The following PCSK2 variants were observed in gnomAD, a reference collection of about 807,000 sequenced individuals.
PCSK2 encodes the protein neuroendocrine convertase 2.
A neutral mutation model predicts 69.7 loss-of-function variants in PCSK2; 14 were observed. That is an observed-to-expected ratio of 0.20 (90% CI 0.13 to 0.31). PCSK2 has a LOEUF of 0.31. PCSK2 is among the 10% of genes least tolerant of loss of function. PCSK2 has a pLI of 1.00. For missense variants in PCSK2, 544 were observed against 842.5 expected (o/e 0.65, Z 4.39); for synonymous variants, 307 against 320.7 (o/e 0.96, Z 0.46).
chr20:17,289,533 T>G (rs2123062938), intron 2 of PCSK2, among the ~76,000 whole-genome samples: 1 of 152,240 alleles, frequency 6.6e-6, no homozygotes, highest in East Asian at 1.9e-4. Context: ...AAACTGAAAA[T>G]AGTAACTATT....
intron 2 of PCSK2, among the ~76,000 whole-genome samples, chr20:17,304,939 C>T (rs1989281271): frequency 1.3e-5 from 2 of 152,176 alleles, no homozygotes; most frequent in African/African-American, 4.8e-5. Context: ...GAATCATCTG[C>T]TACGGTTAAG....
chr20:17,453,468 G>T lies in PCSK2; in HGVS notation c.886-274G>T, dbSNP rs1198849725. Among the ~76,000 whole-genome samples, 1 of 151,768 alleles carries T rather than the reference G, an allele frequency of 6.6e-6. No individual in the cohort carries two copies. The highest frequency in any genetic ancestry group is 2.4e-5 in the African/African-American group (1 of 41,320). ...AGCTTTTTTAAAAAGCAGTTTATTTGTAAATTTTAAGACAGTTCTTCCAAT... is the reference window on the plus strand; with the variant it reads ...AGCTTTTTTAAAAAGCAGTTTATTTTTAAATTTTAAGACAGTTCTTCCAAT... On this transcript the variant is annotated intron_variant, in intron 8 of 11. Coordinates refer to ENST00000262545, the MANE Select transcript of PCSK2 (RefSeq NM_002594.5). This position sits in a 1 kb window ranked among gnomAD's most constrained non-coding sequence, Gnocchi z 4.0.
chr20:17,246,426 G>A (rs1986773396), intron 1 of PCSK2, among the ~76,000 whole-genome samples: 1 of 152,132 alleles, frequency 6.6e-6, no homozygotes, highest in South Asian at 2.1e-4. Context: ...AACACGACAA[G>A]GCAGATGATC....
At chr20:17,451,536 A>C (rs1259821616) in intron 8 of PCSK2, among the ~76,000 whole-genome samples, 2 of 152,146 alleles carry the variant, frequency 1.3e-5, no homozygotes, top group Non-Finnish European at 2.9e-5. Flanking sequence ...TCTGGGAGAG[A>C]TCAGAGAACA....
chr20:17,457,773 G>A (rs2032948141), intron 10 of PCSK2, among the ~76,000 whole-genome samples: 1 of 152,254 alleles, frequency 6.6e-6, no homozygotes, highest in African/African-American at 2.4e-5. Flanking sequence ...GCTGCCTGTA[G>A]CTGAGCTGTG....
chr20:17,475,083 G>A (rs2033269309), intron 11 of PCSK2, among the ~76,000 whole-genome samples: 1 of 151,660 alleles, frequency 6.6e-6, no homozygotes, highest in East Asian at 1.9e-4. Flanking sequence ...GGAGAGTGAG[G>A]GATTTGGGAG....
chr20:17,309,975 G>A (rs1036623692), intron 2 of PCSK2, among the ~76,000 whole-genome samples: 2 of 152,080 alleles, frequency 1.3e-5, no homozygotes, highest in Non-Finnish European at 2.9e-5. Flanking sequence ...TTTGCAGGCT[G>A]TACAGGAAGC....
At chr20:17,303,422 ATATTTT>A (rs1989163215) in intron 2 of PCSK2, among the ~76,000 whole-genome samples, 1 of 115,642 alleles carries the variant, frequency 8.6e-6, no homozygotes, top group African/African-American at 3.5e-5. Context: ...GTATGGTTAT[ATATTTT>A]TAATATATAA....
chr20:17,267,270 C>A (rs1014165236), intron 2 of PCSK2, among the ~76,000 whole-genome samples: 3 of 152,186 alleles, frequency 2.0e-5, no homozygotes, highest in African/African-American at 7.2e-5. Flanking sequence ...CCATCTGTGG[C>A]CAAATTCATT....
intron 8 of PCSK2, among the ~76,000 whole-genome samples, chr20:17,441,204 T>C (rs960536220): frequency 6.6e-6 from 1 of 152,182 alleles, no homozygotes; most frequent in African/African-American, 2.4e-5. Flanking sequence ...CTGCCCTTGA[T>C]GCTTTCAGGG....
At chr20:17,373,997 T>G (rs1298591394) in intron 5 of PCSK2, among the ~76,000 whole-genome samples, 1 of 152,194 alleles carries the variant, frequency 6.6e-6, no homozygotes. Context: ...AAAATTTTTC[T>G]TTTTCTATCC....
intron 2 of PCSK2, among the ~76,000 whole-genome samples, chr20:17,340,695 G>C (rs553473663): frequency 1.3e-5 from 2 of 152,068 alleles, no homozygotes; most frequent in African/African-American, 2.4e-5. Flanking sequence ...TGGTTCTTAC[G>C]CTTAGTTATT....
chr20:17,259,371 G>A (rs1483958142), intron 1 of PCSK2, among the ~76,000 whole-genome samples: 2 of 152,178 alleles, frequency 1.3e-5, no homozygotes, highest in Non-Finnish European at 2.9e-5. Flanking sequence ...ATGTGAAGAC[G>A]TGGAGAAAAG....
chr20:17,408,687 A>G (rs1002940299), intron 5 of PCSK2, among the ~76,000 whole-genome samples: 5 of 152,248 alleles, frequency 3.3e-5, no homozygotes, highest in African/African-American at 1.2e-4. Flanking sequence ...TCTCTGACAT[A>G]TATTGGACTC....
chr20:17,445,484 G>A (rs1180949656), intron 8 of PCSK2, among the ~76,000 whole-genome samples: 1 of 152,192 alleles, frequency 6.6e-6, no homozygotes, highest in African/African-American at 2.4e-5. Flanking sequence ...CTCCCTAAGG[G>A]GCTGCAAAGG....
intron 2 of PCSK2, among the ~76,000 whole-genome samples, chr20:17,270,724 G>A (rs550966905): frequency 1.3e-5 from 2 of 152,088 alleles, no homozygotes; most frequent in African/African-American, 2.4e-5. Flanking sequence ...ACATGAGAAA[G>A]TTTCTTCTCC....
intron 2 of PCSK2, among the ~76,000 whole-genome samples, chr20:17,293,053 G>A (rs1988751023): frequency 6.6e-6 from 1 of 152,080 alleles, no homozygotes; most frequent in African/African-American, 2.4e-5. Flanking sequence ...TTGAACTCCT[G>A]GCTTTAAAGG....
At chr20:17,253,250 C>T (rs938722867) in intron 1 of PCSK2, among the ~76,000 whole-genome samples, 1 of 152,164 alleles carries the variant, frequency 6.6e-6, no homozygotes, top group African/African-American at 2.4e-5. Context: ...TAAAAATTTG[C>T]AATTCAGTGA....
At chr20:17,287,453 G>GTA (rs1433900406) in intron 2 of PCSK2, among the ~76,000 whole-genome samples, 1 of 150,530 alleles carries the variant, frequency 6.6e-6, no homozygotes, top group Non-Finnish European at 1.5e-5. Flanking sequence ...GTGTGTGTGT[G>GTA]TGTGTGTGTG....
Sources: allele counts gnomAD v4.1 joint callset (sites outside exome capture counted in the v4.1 genomes callset), GRCh38; gene constraint gnomAD v4.1.1; non-coding constraint Gnocchi (gnomAD v3.1); transcripts MANE v1.5; gene names NCBI Gene and HGNC (gene_info 2026-07-23, HGNC 2026-07-21).